FANCD2: variants seen among roughly 807,000 people sequenced by gnomAD.
FANCD2 encodes the protein FA complementation group D2, also known as Fanconi anemia group D2 protein.
Under a neutral mutation model 192.3 loss-of-function variants are expected in FANCD2, and 131 were observed. The ratio of observed to expected loss-of-function variants is 0.68; its 90% CI spans 0.59 to 0.79. The LOEUF is 0.79. Among genes scored for constraint, FANCD2 ranks in the 30% least tolerant of loss-of-function variants. FANCD2 has a pLI of 0.00. For missense variants in FANCD2, 1,508 were observed against 1,701.6 expected (o/e 0.89, Z 2.00); for synonymous variants, 524 against 612.5 (o/e 0.86, Z 2.13).
At chr3:10,062,821 G>T (rs968197985) in intron 20 of FANCD2, among the ~76,000 whole-genome samples, 3 of 152,080 alleles carry the variant, frequency 2.0e-5, no homozygotes, top group Non-Finnish European at 4.4e-5. Context: ...AAGTAGCTGG[G>T]ATCACAGGCA....
intron 34 of FANCD2, 55 bp from the exon 35 acceptor site, chr3:10,088,394 C>A: frequency 1.9e-6 from 2 of 1,068,124 alleles, no homozygotes; most frequent in South Asian, 2.5e-5. Context: ...ACCTGAAAAG[C>A]AAGAATGAGG....
chr3:10,072,288 T>C (rs1398108364), intron 26 of FANCD2, among the ~76,000 whole-genome samples: 1 of 151,766 alleles, frequency 6.6e-6, no homozygotes, highest in African/African-American at 2.4e-5. Context: ...CCCTTTTTTT[T>C]TTTTTTTTGA....
chr3:10,043,195 C>A, intron 12 of FANCD2, 45 bp downstream of exon 12: 1 of 1,422,562 alleles, frequency 7.0e-7, no homozygotes, highest in Non-Finnish European at 9.9e-7. Context: ...TTTCTGACAT[C>A]CCACTGTCAG....
rs760459142 is a variant in FANCD2 at position 10,078,129 on chromosome 3, G to C, written c.2908G>C (p.Glu970Gln). 1.3e-5 allele frequency: 21 copies of C among 1,613,868 alleles called. No homozygotes were observed. Among genetic ancestry groups the C allele is most frequent in the Non-Finnish European group, 1.7e-5 (20 of 1,179,912 alleles). Residue 970 changes from glutamate to glutamine, a missense_variant, in exon 30 of 44, where the codon GAA (glutamate) becomes CAA (glutamine). Around this residue, in one of 5 missense-constraint regions of FANCD2, gnomAD observed 796 missense variants for 879.4 expected, o/e 0.91. Transcript: ENST00000675286. ...LGPPELLFLL[E>Q]DLSQKLESML... ...GCCCCCTGAGCTGCTTTTCTTGCTG[G>C]AAGATCTCTCCCAGAAGCTGGAGAG...
At chr3:10,084,051 TG>T (rs1455604630) in intron 32 of FANCD2, among the ~76,000 whole-genome samples, 1 of 151,632 alleles carries the variant, frequency 6.6e-6, no homozygotes, top group African/African-American at 2.4e-5. Context: ...TGGAGTGCAG[TG>T]GCGCGATCTC....
chr3:10,054,516 C>A (rs1420323286), intron 18 of FANCD2, among the ~76,000 whole-genome samples: 1 of 98,702 alleles, frequency 1.0e-5, no homozygotes, highest in Non-Finnish European at 1.8e-5. Context: ...TGGAGTCTCG[C>A]ACTGTCACCC....
At chr3:10,069,541 C>T (rs560108670) in intron 26 of FANCD2, among the ~76,000 whole-genome samples, 4 of 146,726 alleles carry the variant, frequency 2.7e-5, no homozygotes, top group Admixed American at 6.8e-5. Context: ...GCTGCCATCT[C>T]GGCTCACTGC....
At chr3:10,029,733 C>G (rs2086544363) in intron 2 of FANCD2, among the ~76,000 whole-genome samples, 1 of 152,182 alleles carries the variant, frequency 6.6e-6, no homozygotes, top group Non-Finnish European at 1.5e-5. Context: ...CCCTAACCCC[C>G]CTTCCACCCT....
At chr3:10,051,305 C>G (rs937458076) in intron 17 of FANCD2, among the ~76,000 whole-genome samples, 4 of 146,850 alleles carry the variant, frequency 2.7e-5, no homozygotes, top group African/African-American at 1.0e-4. Flanking sequence ...GGCGTGAACC[C>G]AGGAGGCGGA....
chr3:10,074,487 A>G (rs781461714), intron 28 of FANCD2, 43 bp from the exon 29 acceptor site: 33 of 1,564,390 alleles, frequency 2.1e-5, no homozygotes, highest in Non-Finnish European at 2.6e-5. Context: ...CGATTAATAT[A>G]GAAGATTTAT....
chr3:10,060,230 T>C, intron 18 of FANCD2, 64 bp from the exon 19 acceptor site: 1 of 1,120,138 alleles, frequency 8.9e-7, no homozygotes, highest in Non-Finnish European at 1.4e-6. Flanking sequence ...TATGGCTCGA[T>C]ATCCATACCT....
chr3:10,034,247 C>T (rs578174765), intron 3 of FANCD2, among the ~76,000 whole-genome samples: 124 of 147,338 alleles, frequency 8.4e-4, no homozygotes, highest in Non-Finnish European at 1.2e-3. Flanking sequence ...ATCATTTGAA[C>T]CCAGGAGGCG....
At chr3:10,067,355 C>CT in intron 26 of FANCD2, 38 bp downstream of exon 26, 1 of 1,218,108 alleles carries the variant, frequency 8.2e-7, no homozygotes, top group Non-Finnish European at 1.2e-6. Flanking sequence ...ACTACTAGGC[C>CT]AGTAGTGAGG....
In FANCD2 at chr3:10,101,591, G is replaced by A. The variant is rs1176041105; in HGVS notation, c.*329G>A. Reference sequence around the variant, plus strand: ...AGTAGATACGGGGTTTTACCATGTCGGCCAGATGGTCTCAATCTCCTGAAC... The same window carrying A: ...AGTAGATACGGGGTTTTACCATGTCAGCCAGATGGTCTCAATCTCCTGAAC... On this transcript the variant is annotated 3_prime_UTR_variant, in exon 44 of 44. Coordinates refer to ENST00000675286, the MANE Select transcript of FANCD2 (RefSeq NM_001018115.3). The A allele has an allele frequency of 1.7e-4, 63 of 370,568 alleles. 1 individual carries two copies. The highest frequency in any genetic ancestry group is 1.7e-3 in the South Asian group (59 of 35,482). 23.0% of individuals were successfully genotyped at this position (370,568 alleles called of 1,614,324 possible).
At chr3:10,064,904 G>C in intron 23 of FANCD2, 29 bp downstream of exon 23, 3 of 1,612,140 alleles carry the variant, frequency 1.9e-6, no homozygotes, top group Non-Finnish European at 2.5e-6. Context: ...TTCTAAACCT[G>C]TTAGTGTTTT....
Position 10,090,342 on chromosome 3 carries a change from C to T in FANCD2, c.3734C>T (p.Thr1245Met), listed in dbSNP as rs764775864. 2.4e-5 allele frequency: 38 copies of T among 1,609,702 alleles called. No individual in the cohort carries two copies. Among genetic ancestry groups the T allele is most frequent in the East Asian group, 4.5e-5 (2 of 44,738 alleles). The change falls in exon 37 of 44, where the codon ACG becomes ATG. Residue 1245 changes from threonine (T) to methionine (M), a missense_variant. Transcript: ENST00000675286. ...FRVMMAELEK[T>M]VKKIEPGTAA... ...GTGATGATGGCTGAACTAGAGAAGA[C>T]GGTGAAAAAAATTGAGCCTGGCACA... is the stretch of plus-strand genomic sequence containing the variant.
intron 18 of FANCD2, among the ~76,000 whole-genome samples, chr3:10,059,003 A>G (rs1425851824): frequency 1.3e-5 from 2 of 152,002 alleles, no homozygotes; most frequent in Non-Finnish European, 2.9e-5. Context: ...TTTTTCAGCA[A>G]TGTTTATTTT....
At chr3:10,094,403 A>T (rs1694830097) in intron 40 of FANCD2, 40 bp downstream of exon 40, 1 of 1,538,544 alleles carries the variant, frequency 6.5e-7, no homozygotes, top group Non-Finnish European at 9.0e-7. Flanking sequence ...TGCACTGAAG[A>T]GTTGCTCAGA....
At chr3:10,041,797 G>T (rs1337710256) in intron 10 of FANCD2, 87 bp downstream of exon 10, 17 of 866,314 alleles carry the variant, frequency 2.0e-5, no homozygotes, top group Non-Finnish European at 3.1e-5. Context: ...TGGGAGTAAT[G>T]AATATTTCAT....
Sources: gnomAD v4.1 joint callset for allele counts (sites outside exome capture counted in the v4.1 genomes callset) on GRCh38, gnomAD v4.1.1 for gene constraint, gnomAD v4.1.1 regional missense constraint, MANE v1.5 for transcripts, NCBI Gene and HGNC (gene_info 2026-07-23, HGNC 2026-07-21) for gene names.